RARB: variants seen among roughly 807,000 people sequenced by gnomAD.
RARB encodes retinoic acid receptor beta.
A neutral mutation model predicts 51.9 loss-of-function variants in RARB; 17 were observed. The observed-to-expected ratio is 0.33, with a 90% CI of 0.22 to 0.49. RARB has a LOEUF of 0.49. Among genes scored for constraint, RARB ranks in the 20% least tolerant of loss-of-function variants. The probability of loss-of-function intolerance (pLI) is 0.99; values close to 1 mark genes in which losing one functional copy is unlikely to be tolerated. For missense variants in RARB, 369 were observed against 550.8 expected, an observed-to-expected ratio of 0.67 and a Z score of 3.30; for synonymous variants, 215 against 195.4, an observed-to-expected ratio of 1.10 and a Z score of -0.84.
chr3:24,882,040 T>C (rs1264206360), intron 2 of RARB, among the ~76,000 whole-genome samples: 2 of 152,130 alleles, frequency 1.3e-5, no homozygotes, highest in South Asian at 2.1e-4. Flanking sequence ...AAATTGAATA[T>C]TGAAAAAATG....
chr3:25,478,785 C>T (rs559861378), intron 2 of RARB, among the ~76,000 whole-genome samples: 2 of 152,188 alleles, frequency 1.3e-5, no homozygotes, highest in Non-Finnish European at 2.9e-5. Context: ...AAGTTCAGGC[C>T]CCCTGCTTTC....
rs1200811850 is a variant in RARB at position 25,449,887 on chromosome 3, G to A, written c.158-11306G>A. ...CTGCCCCAGCCTCCCGAGTAACTGA[G>A]ATTACAGGCGCACGCCACCACAAAT... On this transcript the variant is annotated intron_variant, in intron 1 of 7. Transcript: ENST00000330688. Among the ~76,000 whole-genome samples the A allele has an allele frequency of 2.0e-5, 3 of 152,000 alleles. 1 individual carries two copies. The highest frequency in any genetic ancestry group is 4.8e-5 in the African/African-American group (2 of 41,418).
At chr3:25,016,116 A>G (rs1023094955) in intron 2 of RARB, among the ~76,000 whole-genome samples, 3 of 152,212 alleles carry the variant, frequency 2.0e-5, no homozygotes, top group Admixed American at 6.6e-5. Flanking sequence ...CAAAATCAGT[A>G]TGAGACAGGA....
At position 25,391,113 on chromosome 3, in the gene RARB, CATAGCTCCTACTT is replaced by C. The variant is rs528991111; in HGVS notation, c.179-70076_179-70064del. ...TTCTTATGCCTTGGTGTCCTCATAG[CATAGCTCCTACTT>C]ATAAGTGAGAATATACAATGTTTGG... On this transcript the variant is annotated intron_variant, in intron 5 of 11. Coordinates refer to the RARB transcript ENST00000383772. Among the ~76,000 whole-genome samples, 47 of 152,248 alleles carry C rather than the reference CATAGCTCCTACTT, an allele frequency of 3.1e-4. 1 individual carries two copies. The South Asian group carries it at 7.9e-3, about 26-fold the overall frequency.
At chr3:24,938,400 T>C (rs1188878645) in intron 2 of RARB, among the ~76,000 whole-genome samples, 1 of 152,142 alleles carries the variant, frequency 6.6e-6, no homozygotes, top group Non-Finnish European at 1.5e-5. Flanking sequence ...TTAGGGAGTG[T>C]CTGTCCCCTT....
At chr3:25,121,391 GA>G (rs890095704) in intron 3 of RARB, among the ~76,000 whole-genome samples, 1 of 151,346 alleles carries the variant, frequency 6.6e-6, no homozygotes, top group African/African-American at 2.4e-5. Flanking sequence ...GATTTTTAAA[GA>G]AAAAAAATAG....
At chr3:25,482,202 C>G (rs561199003) in intron 2 of RARB, among the ~76,000 whole-genome samples, 1 of 152,226 alleles carries the variant, frequency 6.6e-6, no homozygotes, top group Admixed American at 6.5e-5. Flanking sequence ...CACTTTCCTT[C>G]TATATTCAAG....
At chr3:25,378,273 T>C (rs1022822459) in intron 5 of RARB, among the ~76,000 whole-genome samples, 1 of 152,192 alleles carries the variant, frequency 6.6e-6, no homozygotes, top group Non-Finnish European at 1.5e-5. Flanking sequence ...GCCACAGTGT[T>C]CCATGGTAAA....
chr3:25,024,437 TTAA>T (rs1479339702), intron 2 of RARB, among the ~76,000 whole-genome samples: 2 of 152,180 alleles, frequency 1.3e-5, no homozygotes. Context: ...ATGATTAAAA[TTAA>T]TAAGATTTGA....
In RARB at chr3:25,194,783, T is replaced by A. The variant is rs141183679; in HGVS notation, c.178+20208T>A. On this transcript the variant is annotated intron_variant, in intron 5 of 11. Transcript: ENST00000383772. Reference sequence around the variant, plus strand: ...ACACAATGCTGCTTTTATTAATTTTTAAAAAAGACTGTGGAATTTTGTTAA... The same window carrying A: ...ACACAATGCTGCTTTTATTAATTTTAAAAAAAGACTGTGGAATTTTGTTAA... Among the ~76,000 whole-genome samples, 948 of 151,982 alleles carry A rather than the reference T, an allele frequency of 6.2e-3. 17 individuals are homozygous for A. Among genetic ancestry groups the A allele is most frequent in the East Asian group, 0.03 (153 of 5,156 alleles).
chr3:25,135,308 T>C (rs776841329), intron 4 of RARB, among the ~76,000 whole-genome samples: 8 of 152,016 alleles, frequency 5.3e-5, no homozygotes, highest in South Asian at 2.1e-4. Context: ...ATTTAAAATA[T>C]ATGTGGCTAG....
intron 5 of RARB, among the ~76,000 whole-genome samples, chr3:25,404,664 C>A (rs561255998): frequency 2.0e-5 from 3 of 152,036 alleles, no homozygotes; most frequent in Non-Finnish European, 2.9e-5. Flanking sequence ...AGGGGCATGG[C>A]GGGGAAGAAA....
chr3:25,153,250 G>C (rs767724690), intron 4 of RARB, among the ~76,000 whole-genome samples: 11 of 152,074 alleles, frequency 7.2e-5, no homozygotes, highest in Middle Eastern at 3.2e-3. Flanking sequence ...TACACACAGA[G>C]AGAGGCACAA....
At chr3:25,157,681 G>A (rs963224394) in intron 4 of RARB, among the ~76,000 whole-genome samples, 8 of 152,168 alleles carry the variant, frequency 5.3e-5, no homozygotes, top group African/African-American at 1.7e-4. Flanking sequence ...ACAGGTGGAA[G>A]CCACCATGCC....
intron 2 of RARB, among the ~76,000 whole-genome samples, chr3:25,024,803 A>C (rs9859971): frequency 9.5e-4 from 145 of 152,084 alleles, no homozygotes; most frequent in African/African-American, 3.5e-3. Flanking sequence ...AAATACAAAA[A>C]TTGGCTGGGC....
chr3:25,369,770 A>G (rs535377901), intron 5 of RARB, among the ~76,000 whole-genome samples: 1 of 152,292 alleles, frequency 6.6e-6, no homozygotes, highest in African/African-American at 2.4e-5. Context: ...TAAAAATACA[A>G]CATTAGCCTG....
chr3:24,870,093 A>G (rs1002129132), intron 2 of RARB, among the ~76,000 whole-genome samples: 2 of 152,062 alleles, frequency 1.3e-5, no homozygotes, highest in Non-Finnish European at 2.9e-5. Flanking sequence ...TTCTTTGTAT[A>G]TCCTGGAGAC....
At chr3:25,352,180 A>C (rs13093379) in intron 5 of RARB, 28,981 of 152,126 alleles carry the variant, frequency 0.19, 3,471 homozygotes, top group Admixed American at 0.32. Context: ...GACTGTGAAC[A>C]CAGTTCCCTT....
intron 3 of RARB, among the ~76,000 whole-genome samples, chr3:25,085,506 T>C (rs975215841): frequency 6.6e-6 from 1 of 152,112 alleles, no homozygotes; most frequent in Non-Finnish European, 1.5e-5. Context: ...CTCCTTTCTC[T>C]TCCTTCCCAT....
Sources: gnomAD v4.1 joint callset for allele counts (sites outside exome capture counted in the v4.1 genomes callset) on GRCh38, gnomAD v4.1.1 for gene constraint, MANE v1.5 for transcripts, NCBI Gene and HGNC (gene_info 2026-07-23, HGNC 2026-07-21) for gene names.